PPIL4: variants seen among roughly 807,000 people sequenced by gnomAD.
PPIL4 encodes peptidylprolyl isomerase like 4, also known as peptidyl-prolyl cis-trans isomerase-like 4.
In PPIL4, 50 loss-of-function variants were observed where a neutral mutation model predicts 69.1. The ratio of observed to expected loss-of-function variants is 0.72; its 90% CI spans 0.58 to 0.92. The LOEUF (loss-of-function observed/expected upper bound fraction) is 0.92, where lower values mean the gene tolerates loss of function less well. Among genes scored for constraint, PPIL4 ranks in the 40% least tolerant of loss-of-function variants. The probability of loss-of-function intolerance (pLI) is 0.00; values close to 1 mark genes in which losing one functional copy is unlikely to be tolerated. For missense variants in PPIL4, 480 were observed against 587.9 expected (o/e 0.82, Z 1.90); for synonymous variants, 193 against 191.6 (o/e 1.01, Z -0.06).
In PPIL4 at chr6:149,505,210, G is replaced by T; in HGVS notation, c.*243C>A. 1 of 360,878 alleles carries T rather than the reference G, an allele frequency of 2.8e-6. No homozygotes were observed. The highest frequency in any genetic ancestry group is 5.0e-6 in the Non-Finnish European group (1 of 200,922). 22.4% of individuals were successfully genotyped at this position (360,878 alleles called of 1,614,324 possible). A position where few individuals can be genotyped will look rare whatever the true frequency, so the allele number is the denominator to read the frequency against. On this transcript the variant is annotated 3_prime_UTR_variant, in exon 13 of 13. Transcript: ENST00000253329. ...CATTAAAAAAAGAGTGAAAATGTAA[G>T]ACTTCAAAAATGAAGACTACCATTT...
At chr6:149,510,206 G>C (rs1272585507) in intron 12 of PPIL4, among the ~76,000 whole-genome samples, 2 of 152,168 alleles carry the variant, frequency 1.3e-5, no homozygotes, top group African/African-American at 2.4e-5. Flanking sequence ...ATCTCTGCTG[G>C]ATTATAGCAA....
chr6:149,540,904 T>A (rs1446491971), intron 4 of PPIL4, 38 bp downstream of exon 4: 2 of 1,304,848 alleles, frequency 1.5e-6, no homozygotes, highest in Non-Finnish European at 2.2e-6. Context: ...CAGTCCTTCA[T>A]TTCTAAGCAA....
chr6:149,535,713 A>G lies in PPIL4; in HGVS notation c.347T>C (p.Leu116Pro). ...CGTATGGACACCATCAAGATAATCT[A>G]GATTTTCTCCTGTGGTGATAAGAAA... ...SQFLITTGEN[L>P]DYLDGVHTVF... The change falls in exon 5 of 13, where the codon CTA becomes CCA. Residue 116 changes from leucine (L) to proline (P), a missense_variant. By Grantham distance (98) the Leu-to-Pro change is moderately conservative. Coordinates refer to ENST00000253329, the MANE Select transcript of PPIL4 (RefSeq NM_139126.4). The G allele has an allele frequency of 6.2e-7, 1 of 1,607,760 alleles. No individual in the cohort carries two copies. Among genetic ancestry groups the G allele is most frequent in the Non-Finnish European group, 8.5e-7 (1 of 1,175,524 alleles).
intron 7 of PPIL4, among the ~76,000 whole-genome samples, chr6:149,529,985 G>C (rs1777170262): frequency 6.6e-6 from 1 of 152,168 alleles, no homozygotes; most frequent in Admixed American, 6.5e-5. Context: ...TTGCCAAGAA[G>C]TGGGTGTTGG....
Position 149,530,747 on chromosome 6 carries a change from C to T in PPIL4, c.678+2711G>A, listed in dbSNP as rs144881804. On this transcript the variant is annotated intron_variant, in intron 7 of 12. Transcript: ENST00000253329. ...AAGTGGTGGGGGTGGGAAATTACCACTTTGCATAATTACCACTTTGCACTT... is the reference window on the plus strand; with the variant it reads ...AAGTGGTGGGGGTGGGAAATTACCATTTTGCATAATTACCACTTTGCACTT... Among the ~76,000 whole-genome samples the T allele has an allele frequency of 1.6e-3, 246 of 152,172 alleles. 1 individual carries two copies. The highest frequency in any genetic ancestry group is 5.5e-3 in the African/African-American group (229 of 41,512).
intron 4 of PPIL4, among the ~76,000 whole-genome samples, chr6:149,536,187 G>T (rs1296163251): frequency 6.6e-6 from 1 of 152,140 alleles, no homozygotes; most frequent in African/African-American, 2.4e-5. Context: ...CATAAATGTT[G>T]TATGTGTTCT....
intron 11 of PPIL4, 35 bp from the exon 12 acceptor site, chr6:149,512,337 A>T (rs771891901): frequency 6.6e-7 from 1 of 1,526,666 alleles, no homozygotes; most frequent in Non-Finnish European, 9.0e-7. Flanking sequence ...TGTGATAAAT[A>T]ATACTGGTAA....
intron 5 of PPIL4, 141 bp downstream of exon 5, chr6:149,535,455 G>T: frequency 4.3e-6 from 2 of 465,836 alleles, no homozygotes; most frequent in African/African-American, 2.0e-5. Flanking sequence ...GATTCTTACA[G>T]TCTTATATTA....
At chr6:149,543,676 C>T (rs1396757153) in intron 1 of PPIL4, among the ~76,000 whole-genome samples, 1 of 151,578 alleles carries the variant, frequency 6.6e-6, no homozygotes, top group African/African-American at 2.4e-5. Context: ...TTATGTGGTA[C>T]TTAAGCTCAT....
intron 12 of PPIL4, among the ~76,000 whole-genome samples, chr6:149,506,497 A>C (rs1040822689): frequency 2.0e-5 from 3 of 152,180 alleles, no homozygotes; most frequent in Non-Finnish European, 4.4e-5. Flanking sequence ...GATAATGTAT[A>C]CTTGGGTCTG....
chr6:149,540,341 GC>G (rs1777340837), intron 4 of PPIL4, among the ~76,000 whole-genome samples: 1 of 151,462 alleles, frequency 6.6e-6, no homozygotes, highest in African/African-American at 2.4e-5. Context: ...AAACGGCCAG[GC>G]GCGGTGGCTC....
chr6:149,506,654 C>T (rs772226229), intron 12 of PPIL4, among the ~76,000 whole-genome samples: 2 of 152,184 alleles, frequency 1.3e-5, no homozygotes, highest in Non-Finnish European at 2.9e-5. Flanking sequence ...AATGCAGTGG[C>T]ACGATCATGG....
In PPIL4 at chr6:149,541,522, T is replaced by C. The variant is rs750218855; in HGVS notation, c.135A>G (p.Val45=). 1 of 1,574,908 alleles carries C rather than the reference T, an allele frequency of 6.3e-7. No homozygotes were observed. Among genetic ancestry groups the C allele is most frequent in the Non-Finnish European group, 8.7e-7 (1 of 1,145,108 alleles). ...TGACTAATATCTACCAACTCACCTG[T>C]ACATTGTGAATAAGGCAATAATTGT... ...KYYNYCLIHN[V]QRDFIIQTGD... The change falls in exon 2 of 13, where the codon GTA becomes GTG. Residue 45 remains valine (V), a synonymous_variant. Transcript: ENST00000253329.
At chr6:149,511,539 T>G (rs1326704019) in intron 12 of PPIL4, among the ~76,000 whole-genome samples, 1 of 152,104 alleles carries the variant, frequency 6.6e-6, no homozygotes, top group Non-Finnish European at 1.5e-5. Flanking sequence ...CCTCCCAAAG[T>G]GCTAGGATTA....
In PPIL4 at chr6:149,512,240, G is replaced by A. The variant is rs867100116; in HGVS notation, c.1142C>T (p.Thr381Ile). The change falls in exon 12 of 13, where the codon ACA (threonine) becomes ATA (isoleucine). Residue 381 changes from threonine (T) to isoleucine (I), a missense_variant. Transcript: ENST00000253329. Reference sequence around the variant, plus strand: ...GGTTTTCTTCTTGTGTTTTTTACTTGTGTGTGAGTGACTTGATTTTGAGTC... The same window carrying A: ...GGTTTTCTTCTTGTGTTTTTTACTTATGTGTGAGTGACTTGATTTTGAGTC... ...AEDSKSSHSH[T>I]SKKHKKKTHH... is the part of the protein sequence containing the mutation. 3 of 1,612,826 alleles carry A rather than the reference G, an allele frequency of 1.9e-6. No individual in the cohort carries two copies. Among genetic ancestry groups the A allele is most frequent in the Non-Finnish European group, 2.5e-6 (3 of 1,179,072 alleles).
In PPIL4 at chr6:149,526,116, T is replaced by TAAATA. The variant is rs1171324951; in HGVS notation, c.803+531_803+535dup. On this transcript the variant is annotated intron_variant, in intron 8 of 12. Coordinates refer to ENST00000253329, the MANE Select transcript of PPIL4 (RefSeq NM_139126.4). ...TCCATGTCAAAAAAATAAACAAAAA[T>TAAATA]AAATAAAATAAAATAAAATCCCTGA... Among the ~76,000 whole-genome samples the TAAATA allele has an allele frequency of 1.5e-3, 226 of 151,756 alleles. 1 individual carries two copies. Among genetic ancestry groups the TAAATA allele is most frequent in the African/African-American group, 5.1e-3 (210 of 41,374 alleles).
intron 1 of PPIL4, among the ~76,000 whole-genome samples, chr6:149,545,709 G>A (rs754689883): frequency 6.6e-6 from 1 of 152,088 alleles, no homozygotes; most frequent in African/African-American, 2.4e-5. Flanking sequence ...ACCGTCCACC[G>A]GACTGGCCAA....
chr6:149,526,095 T>G (rs1351792196), intron 8 of PPIL4, among the ~76,000 whole-genome samples: 1 of 152,066 alleles, frequency 6.6e-6, no homozygotes, highest in African/African-American at 2.4e-5. Context: ...CGAGACTCCA[T>G]GTCAAAAAAA....
chr6:149,545,055 G>A (rs1777418545), intron 1 of PPIL4, among the ~76,000 whole-genome samples: 2 of 152,120 alleles, frequency 1.3e-5, no homozygotes, highest in Admixed American at 6.5e-5. Context: ...CTGATCATCA[G>A]TAGGGCACAC....
Sources: allele counts gnomAD v4.1 joint callset (sites outside exome capture counted in the v4.1 genomes callset), GRCh38; gene constraint gnomAD v4.1.1; transcripts MANE v1.5; gene names NCBI Gene and HGNC (gene_info 2026-07-23, HGNC 2026-07-21).